Variants in THSD7B observed in about 807,000 individuals in gnomAD.
THSD7B encodes the protein thrombospondin type-1 domain-containing protein 7B.
In THSD7B, 138 loss-of-function variants were observed where a neutral mutation model predicts 213.6. That is an observed-to-expected ratio of 0.65 (90% CI 0.56 to 0.74). The LOEUF is 0.74. THSD7B is among the 30% of genes least tolerant of loss of function. The pLI is 0.00. For synonymous variants in THSD7B, 742 were observed against 687.0 expected (o/e 1.08, Z -1.25); for missense variants, 1,931 against 1,991.5 (o/e 0.97, Z 0.58).
chr2:137,436,706 G>A (rs1687299008), intron 14 of THSD7B, among the ~76,000 whole-genome samples: 1 of 152,218 alleles, frequency 6.6e-6, no homozygotes, highest in African/African-American at 2.4e-5. Context: ...AAAATGGTAT[G>A]AATATAATTT....
At chr2:137,080,034 G>A (rs187238178) in intron 3 of THSD7B, among the ~76,000 whole-genome samples, 1 of 152,030 alleles carries the variant, frequency 6.6e-6, no homozygotes, top group Non-Finnish European at 1.5e-5. Flanking sequence ...TAGAGAAGAC[G>A]TTTCACCATG....
intron 2 of THSD7B, among the ~76,000 whole-genome samples, chr2:136,940,740 A>T (rs564617009): frequency 1.3e-3 from 180 of 140,468 alleles, no homozygotes; most frequent in East Asian, 2.6e-3. Flanking sequence ...ATATATATAT[A>T]TATTTTTTCT....
At chr2:137,239,751 C>G (rs552295154) in intron 9 of THSD7B, among the ~76,000 whole-genome samples, 1 of 152,258 alleles carries the variant, frequency 6.6e-6, no homozygotes, top group Admixed American at 6.5e-5. Context: ...TTCTTAGAAC[C>G]TTTGTCAAAG....
At chr2:137,276,602 G>A (rs1374991898) in intron 12 of THSD7B, among the ~76,000 whole-genome samples, 1 of 151,996 alleles carries the variant, frequency 6.6e-6, no homozygotes, top group Admixed American at 6.6e-5. Context: ...TGTCTAGAAG[G>A]TGTGGGAAAT....
rs181241859 is a variant in THSD7B at position 137,500,178 on chromosome 2, C to T, written c.3138+49155C>T. On this transcript the variant is annotated intron_variant, in intron 15 of 27. Transcript: ENST00000409968. ...TAAATCCTGACCTAATTAAAATACC[C>T]ACTTTGATATATCAGAATAAAGAAC... Among the ~76,000 whole-genome samples, 43 of 152,188 alleles carry T rather than the reference C, an allele frequency of 2.8e-4. No homozygotes were observed. In the East Asian group the frequency reaches 7.4e-3, roughly 26 times the overall value.
rs1205018617 is a variant in THSD7B, at chr2:137,452,028, G to A, written c.3138+1005G>A. ...TGTCCTTTCTTAATTATAATAGCATGTTTAGTACTGCTCAGACTTGAATAT... is the reference window on the plus strand; with the variant it reads ...TGTCCTTTCTTAATTATAATAGCATATTTAGTACTGCTCAGACTTGAATAT... On this transcript the variant is annotated intron_variant, in intron 15 of 27. Coordinates refer to ENST00000409968, the MANE Select transcript of THSD7B (RefSeq NM_001316349.2). 5.3e-6 allele frequency: 5 copies of A among 948,940 alleles called. 1 individual carries two copies. In the Middle Eastern group the frequency reaches 1.6e-3, roughly 305 times the overall value. The allele number at this position is 948,940 out of a possible 1,614,324, so 58.8% of individuals were successfully genotyped here.
At chr2:137,091,491 T>TTTTTA (rs10660951) in intron 3 of THSD7B, among the ~76,000 whole-genome samples, 20,345 of 150,612 alleles carry the variant, frequency 0.14, 1,598 homozygotes, top group East Asian at 0.33. Context: ...AAACAACAGA[T>TTTTTA]TTTTATTTTA....
chr2:137,417,213 G>A (rs1389624932), intron 14 of THSD7B, among the ~76,000 whole-genome samples: 2 of 152,142 alleles, frequency 1.3e-5, no homozygotes, highest in Non-Finnish European at 2.9e-5. Flanking sequence ...CACTGGAAAA[G>A]TGAATTTAAT....
chr2:137,329,388 C>T (rs556987018), intron 12 of THSD7B, among the ~76,000 whole-genome samples: 2 of 152,250 alleles, frequency 1.3e-5, no homozygotes, highest in East Asian at 3.9e-4. Context: ...TTTGTTGAGA[C>T]AGAGTCTCGC....
intron 2 of THSD7B, among the ~76,000 whole-genome samples, chr2:136,907,211 C>T (rs117992375): frequency 0.022 from 3,378 of 152,112 alleles, 67 homozygotes; most frequent in East Asian, 0.092. Context: ...TCCCAAAATG[C>T]TGGGGTTACA....
intron 2 of THSD7B, among the ~76,000 whole-genome samples, chr2:136,977,842 C>A (rs1472390567): frequency 2.1e-5 from 3 of 143,678 alleles, no homozygotes; most frequent in Admixed American, 7.2e-5. Context: ...CTTGCTCTGT[C>A]ACCCAGGCCG....
Position 137,183,009 on chromosome 2 carries a change from C to A in THSD7B, c.1723+12071C>A, listed in dbSNP as rs548641709. Among the ~76,000 whole-genome samples, 8 of 152,148 alleles carry A rather than the reference C, an allele frequency of 5.3e-5. No individual in the cohort carries two copies. The South Asian group carries it at 1.7e-3, about 32-fold the overall frequency. Reference sequence around the variant, plus strand: ...TCTTATCATTATTATAATTATCTTTCATTTTGTGTAAAAAAACTTACTTAA... The same window carrying A: ...TCTTATCATTATTATAATTATCTTTAATTTTGTGTAAAAAAACTTACTTAA... On this transcript the variant is annotated intron_variant, in intron 7 of 27. Coordinates refer to ENST00000409968, the MANE Select transcript of THSD7B (RefSeq NM_001316349.2).
chr2:137,106,575 C>T (rs1237618495), intron 4 of THSD7B, among the ~76,000 whole-genome samples: 2 of 152,050 alleles, frequency 1.3e-5, no homozygotes, highest in African/African-American at 4.8e-5. Context: ...AGCTTCTGCA[C>T]AACAAAAGAA....
At chr2:137,034,350 C>T (rs193286323) in intron 2 of THSD7B, among the ~76,000 whole-genome samples, 224 of 152,084 alleles carry the variant, frequency 1.5e-3, no homozygotes, top group Middle Eastern at 0.01. Flanking sequence ...GTGATCTGCC[C>T]GTCTCAGCCT....
At chr2:136,833,985 T>C (rs1465473767) in intron 1 of THSD7B, among the ~76,000 whole-genome samples, 5 of 152,214 alleles carry the variant, frequency 3.3e-5, no homozygotes, top group African/African-American at 1.2e-4. Flanking sequence ...TAGAGTTTAA[T>C]AGTTTAGCCA....
At chr2:137,675,477 T>C (rs1472794552) in intron 27 of THSD7B, among the ~76,000 whole-genome samples, 1 of 146,114 alleles carries the variant, frequency 6.8e-6, no homozygotes, top group African/African-American at 2.6e-5. Flanking sequence ...GGTTAAAAGC[T>C]CAGGTCTGTG....
chr2:137,313,973 C>T (rs1684004787), intron 12 of THSD7B, among the ~76,000 whole-genome samples: 1 of 152,130 alleles, frequency 6.6e-6, no homozygotes, highest in South Asian at 2.1e-4. Context: ...GTGAATCTGA[C>T]AATTATGTGT....
intron 15 of THSD7B, among the ~76,000 whole-genome samples, chr2:137,507,198 C>T (rs1250350715): frequency 6.6e-6 from 1 of 152,180 alleles, no homozygotes; most frequent in Non-Finnish European, 1.5e-5. Flanking sequence ...ACAAATGGCT[C>T]TCACTCCAGT....
intron 17 of THSD7B, among the ~76,000 whole-genome samples, chr2:137,603,221 G>T (rs2104825353): frequency 6.6e-6 from 1 of 152,270 alleles, no homozygotes; most frequent in South Asian, 2.1e-4. Flanking sequence ...TCTTCAGAGT[G>T]CTTTCAAGCT....
Sources: allele counts gnomAD v4.1 joint callset (sites outside exome capture counted in the v4.1 genomes callset), GRCh38; gene constraint gnomAD v4.1.1; transcripts MANE v1.5; gene names NCBI Gene and HGNC (gene_info 2026-07-23, HGNC 2026-07-21).